ANO3: variants seen among roughly 807,000 people sequenced by gnomAD.
The protein encoded by ANO3 is anoctamin-3.
In ANO3, 99 loss-of-function variants were observed where a neutral mutation model predicts 144.8. The observed-to-expected ratio is 0.68, with a 90% CI of 0.58 to 0.81. The LOEUF is 0.81. ANO3 is among the 30% of genes least tolerant of loss of function. The pLI is 0.00. For missense variants in ANO3, 905 were observed against 1,202.2 expected, an observed-to-expected ratio of 0.75 and a Z score of 3.66; for synonymous variants, 414 against 392.6, an observed-to-expected ratio of 1.05 and a Z score of -0.64.
intron 18 of ANO3, among the ~76,000 whole-genome samples, chr11:26,631,314 T>C (rs768084744): frequency 6.6e-6 from 1 of 152,054 alleles, no homozygotes; most frequent in Non-Finnish European, 1.5e-5. Flanking sequence ...TTTTATTTTG[T>C]TTATTTTATT....
chr11:26,207,274 C>T (rs1436040082), intron 1 of ANO3, among the ~76,000 whole-genome samples: 1 of 152,016 alleles, frequency 6.6e-6, no homozygotes, highest in Non-Finnish European at 1.5e-5. Context: ...GTATAAATGG[C>T]TTACAAAAAA....
intron 9 of ANO3, among the ~76,000 whole-genome samples, chr11:26,534,961 G>A (rs1004942633): frequency 6.7e-6 from 1 of 148,392 alleles, no homozygotes; most frequent in African/African-American, 2.5e-5. Flanking sequence ...CTGTGTCCAT[G>A]TAGTACATTC....
chr11:26,325,044 C>G (rs1469349567), intron 1 of ANO3, among the ~76,000 whole-genome samples: 4 of 152,078 alleles, frequency 2.6e-5, no homozygotes, highest in African/African-American at 9.7e-5. Flanking sequence ...AGTTAACATG[C>G]AAACTTTCCT....
At chr11:26,209,089 G>A (rs1162491533) in intron 1 of ANO3, among the ~76,000 whole-genome samples, 1 of 152,172 alleles carries the variant, frequency 6.6e-6, no homozygotes, top group Non-Finnish European at 1.5e-5. Context: ...GTGGTTTGCT[G>A]CACTCATCAA....
intron 1 of ANO3, among the ~76,000 whole-genome samples, chr11:26,424,444 G>A (rs1857860137): frequency 6.6e-6 from 1 of 151,870 alleles, no homozygotes; most frequent in Non-Finnish European, 1.5e-5. Flanking sequence ...TATCTGTTTG[G>A]TAAATGTCTG....
chr11:26,520,192 G>T (rs1006193948), intron 6 of ANO3, among the ~76,000 whole-genome samples: 9 of 152,112 alleles, frequency 5.9e-5, no homozygotes, highest in Non-Finnish European at 1.0e-4. Flanking sequence ...ACCTTCCTTT[G>T]TATGAATTAG....
chr11:26,341,535 G>A (rs1191895316), intron 1 of ANO3, among the ~76,000 whole-genome samples: 2 of 152,096 alleles, frequency 1.3e-5, no homozygotes, highest in Non-Finnish European at 2.9e-5. Flanking sequence ...TTAATAAAAA[G>A]GAGAAATTTC....
intron 1 of ANO3, among the ~76,000 whole-genome samples, chr11:26,388,259 G>A (rs1392530698): frequency 6.6e-6 from 1 of 151,562 alleles, no homozygotes; most frequent in African/African-American, 2.4e-5. Flanking sequence ...TACTTTAGTA[G>A]ATGAACCCTT....
chr11:26,628,808 C>A (rs569451840), intron 18 of ANO3, among the ~76,000 whole-genome samples: 7 of 152,118 alleles, frequency 4.6e-5, no homozygotes, highest in Non-Finnish European at 7.3e-5. Context: ...GTAAGAGGGC[C>A]TCTTCAATCA....
chr11:26,471,434 A>G (rs1859778629), intron 4 of ANO3, among the ~76,000 whole-genome samples: 1 of 151,946 alleles, frequency 6.6e-6, no homozygotes, highest in East Asian at 1.9e-4. Flanking sequence ...ATATCACTAA[A>G]CCTCAACAAA....
chr11:26,228,024 C>A (rs1169551416), intron 1 of ANO3, among the ~76,000 whole-genome samples: 1 of 152,110 alleles, frequency 6.6e-6, no homozygotes, highest in East Asian at 1.9e-4. Flanking sequence ...CTTCCCTGTT[C>A]AGTATACAAG....
At chr11:26,543,835 C>T (rs985928908) in intron 11 of ANO3, among the ~76,000 whole-genome samples, 2 of 152,086 alleles carry the variant, frequency 1.3e-5, no homozygotes, top group African/African-American at 4.8e-5. Context: ...ATATGTGCCA[C>T]ATTTTCTTAA....
At chr11:26,265,064 T>A (rs1253426925) in intron 1 of ANO3, among the ~76,000 whole-genome samples, 2 of 152,110 alleles carry the variant, frequency 1.3e-5, no homozygotes, top group African/African-American at 4.8e-5. Flanking sequence ...AAAGGAGAAT[T>A]GCTTTTCACC....
intron 1 of ANO3, among the ~76,000 whole-genome samples, chr11:26,299,829 G>C (rs1854183820): frequency 6.6e-6 from 1 of 152,166 alleles, no homozygotes; most frequent in South Asian, 2.1e-4. Flanking sequence ...TATCAGTCAG[G>C]AAGGCAGAAT....
intron 4 of ANO3, among the ~76,000 whole-genome samples, chr11:26,464,935 G>A (rs866359496): frequency 1.5e-4 from 23 of 151,658 alleles, no homozygotes; most frequent in African/African-American, 4.4e-4. Context: ...TGCCATTTTG[G>A]TAGTCTACTT....
chr11:26,569,789 G>C (rs1357461584), intron 14 of ANO3, among the ~76,000 whole-genome samples: 2 of 152,028 alleles, frequency 1.3e-5, no homozygotes, highest in Non-Finnish European at 2.9e-5. Context: ...AAATGATGAT[G>C]GATTATGGAT....
intron 1 of ANO3, among the ~76,000 whole-genome samples, chr11:26,370,351 A>G (rs1346746113): frequency 6.6e-6 from 1 of 152,152 alleles, no homozygotes; most frequent in Non-Finnish European, 1.5e-5. Context: ...AAGCTTCCTG[A>G]GGCCTCCCCA....
intron 20 of ANO3, among the ~76,000 whole-genome samples, chr11:26,637,494 G>T (rs546793281): frequency 7.9e-5 from 12 of 152,284 alleles, no homozygotes; most frequent in African/African-American, 2.4e-4. Flanking sequence ...GCTTGCCTCT[G>T]AGTCTCTACA....
rs1359128085 is a variant in ANO3, at chr11:26,222,735, C to T, written c.154+33405C>T. On this transcript the variant is annotated intron_variant, in intron 1 of 27. Coordinates refer to the ANO3 transcript ENST00000672621. The stretch of plus-strand genomic sequence containing the variant: ...GCTACCAAGGCTTATGGCTTGCACC[C>T]TCCAGAGCTGTGGTATAAGCTGTAC... Among the ~76,000 whole-genome samples, 5 of 152,336 alleles carry T rather than the reference C, an allele frequency of 3.3e-5. No individual in the cohort carries two copies. The East Asian group carries it at 9.7e-4, about 29-fold the overall frequency.
Sources: gnomAD v4.1 joint callset for allele counts (sites outside exome capture counted in the v4.1 genomes callset) on GRCh38, gnomAD v4.1.1 for gene constraint, MANE v1.5 for transcripts, NCBI Gene and HGNC (gene_info 2026-07-23, HGNC 2026-07-21) for gene names.